Variants in CIITA observed in about 807,000 individuals in gnomAD.
CIITA encodes the protein class II major histocompatibility complex transactivator.
A neutral mutation model predicts 115.1 loss-of-function variants in CIITA; 72 were observed. The observed-to-expected ratio is 0.63, with a 90% CI of 0.52 to 0.76. The LOEUF is 0.76. Among genes scored for constraint, CIITA ranks in the 30% least tolerant of loss-of-function variants. The probability of loss-of-function intolerance (pLI) is 0.00; values close to 1 mark genes in which losing one functional copy is unlikely to be tolerated. For synonymous variants in CIITA, 763 were observed against 635.6 expected (o/e 1.20, Z -3.02); for missense variants, 1,617 against 1,463.8 (o/e 1.10, Z -1.71).
intron 1 of CIITA, among the ~76,000 whole-genome samples, chr16:10,886,089 C>G (rs999719552): frequency 1.2e-4 from 17 of 137,392 alleles, no homozygotes; most frequent in African/African-American, 3.9e-4. Flanking sequence ...GAGTCTCACT[C>G]TGTCACCCAG....
chr16:10,906,502 C>T lies in CIITA; in HGVS notation c.1010C>T (p.Pro337Leu), dbSNP rs147670132. 1.9e-4 allele frequency: 314 copies of T among 1,611,630 alleles called. No homozygotes were observed. The highest frequency in any genetic ancestry group is 2.6e-4 in the Non-Finnish European group (304 of 1,179,880). Residue 337 changes from proline (P) to leucine (L), a missense_variant, in exon 11 of 20, where the codon CCG (proline) becomes CTG (leucine). By Grantham distance (98) the Pro-to-Leu change is moderately conservative. Transcript: ENST00000324288. ...VSNKLPKWPE[P>L]VEQFYRSLQD... ...GACACGCCCCTGGCCTTTGCAGAGC[C>T]GGTGGAGCAGTTCTACCGCTCACTG...
At position 10,878,154 on chromosome 16, in the gene CIITA, T is replaced by G. The variant is rs142118678; in HGVS notation, c.52+772T>G. 1.1e-3 allele frequency among the ~76,000 whole-genome samples: 168 copies of G among 152,330 alleles called. 1 individual carries two copies. Among genetic ancestry groups the G allele is most frequent in the East Asian group, 5.8e-4 (3 of 5,182 alleles). ...TGAGCTCATAGGAGCTCAATTTTAT[T>G]GGCATTGCTGTTGTTGGATGGTTAA... On this transcript the variant is annotated intron_variant, in intron 1 of 19. Coordinates refer to ENST00000324288, the MANE Select transcript of CIITA (RefSeq NM_000246.4).
At chr16:10,875,431 C>T (rs2035763757), upstream of CIITA, among the ~76,000 whole-genome samples, 1 of 152,136 alleles carries the variant, frequency 6.6e-6, no homozygotes, top group South Asian at 2.1e-4. Context: ...GGGCATCATC[C>T]TCATTTCACA....
intron 1 of CIITA, 144 bp from the exon 2 acceptor site, chr16:10,895,138 C>A: frequency 1.1e-6 from 1 of 892,494 alleles, no homozygotes; most frequent in Non-Finnish European, 1.8e-6. Flanking sequence ...CTCCACCACG[C>A]TGAGCATATA....
chr16:10,909,815 C>T (rs946402325), intron 12 of CIITA, among the ~76,000 whole-genome samples: 7 of 152,164 alleles, frequency 4.6e-5, no homozygotes, highest in African/African-American at 1.7e-4. Context: ...CTTACTGTAG[C>T]TTCGGAACTC....
In CIITA at chr16:10,929,659, G is replaced by T; in HGVS notation, c.*5804G>T. ...CAATCCACCAGGCTCGGGAGGCTTG[G>T]GGTGGGGCAGGGAAGTCTTCCTCCA... On this transcript the variant is annotated 3_prime_UTR_variant, in exon 20 of 20. Coordinates refer to ENST00000324288, the MANE Select transcript of CIITA (RefSeq NM_000246.4). The surrounding 1 kb of genome is among the most constrained non-coding windows in gnomAD (Gnocchi z 4.3). 1 of 705,244 alleles carries T rather than the reference G, an allele frequency of 1.4e-6. No homozygotes were observed. The highest frequency in any genetic ancestry group is 6.4e-5 in the South Asian group (1 of 15,710). 43.7% of individuals were successfully genotyped at this position (705,244 alleles called of 1,614,324 possible).
intron 3 of CIITA, among the ~76,000 whole-genome samples, chr16:10,897,787 G>A (rs978510953): frequency 6.0e-5 from 9 of 148,900 alleles, no homozygotes; most frequent in Admixed American, 6.6e-5. Flanking sequence ...CACAACCACC[G>A]TTATCATTAT....
chr16:10,881,279 C>G (rs1274975589), intron 1 of CIITA, among the ~76,000 whole-genome samples: 1 of 150,560 alleles, frequency 6.6e-6, no homozygotes, highest in African/African-American at 2.5e-5. Flanking sequence ...GCCTGGGCAA[C>G]AGAGCAAGAC....
At position 10,931,639 on chromosome 16, in the gene CIITA, T is replaced by C. The variant is rs2040799714; in HGVS notation, c.*7784T>C. 1 of 152,142 alleles carries C rather than the reference T, an allele frequency of 6.6e-6. No individual in the cohort carries two copies. Among genetic ancestry groups the C allele is most frequent in the Admixed American group, 6.5e-5 (1 of 15,284 alleles). The allele number at this position is 152,142 out of a possible 1,614,324, so 9.4% of individuals were successfully genotyped here. A position where few individuals can be genotyped will look rare whatever the true frequency, so the allele number is the denominator to read the frequency against. On this transcript the variant is annotated 3_prime_UTR_variant, in exon 20 of 20. Transcript: ENST00000324288. Reference sequence around the variant, plus strand: ...TGGGTGGATCAGTTGAGATCAGGAGTTTGAGACCAGCCTGGCCAACATGGC... The same window carrying C: ...TGGGTGGATCAGTTGAGATCAGGAGCTTGAGACCAGCCTGGCCAACATGGC...
At position 10,898,666 on chromosome 16, in the gene CIITA, G is replaced by A. The variant is rs925244781; in HGVS notation, c.296-4G>A. 6.2e-7 allele frequency: 1 copy of A among 1,608,314 alleles called. No individual in the cohort carries two copies. On this transcript the variant is annotated splice_polypyrimidine_tract_variant and splice_region_variant and intron_variant, in intron 3 of 19. Transcript: ENST00000324288. ...ATTGACTGCGCTTTTCCTTGTCTGG[G>A]CAGCGGAACTGGACCAGTATGTCTT...
Position 10,879,148 on chromosome 16 carries a change from G to C in CIITA, c.52+1766G>C, listed in dbSNP as rs543948423. 20 of 181,762 alleles carry C rather than the reference G, an allele frequency of 1.1e-4. No individual in the cohort carries two copies. The East Asian group carries it at 1.8e-3, about 16-fold the overall frequency. The allele number at this position is 181,762 out of a possible 1,614,324, so 11.3% of individuals were successfully genotyped here. A position where few individuals can be genotyped will look rare whatever the true frequency, so the allele number is the denominator to read the frequency against. ...GGTCACACAGCAAGTCTGGGAGGAT[G>C]GGGGGATGGAATATGCAAAATGTAG... On this transcript the variant is annotated intron_variant, in intron 1 of 19. Transcript: ENST00000324288. The surrounding 1 kb of genome is among the most constrained non-coding windows in gnomAD (Gnocchi z 4.3).
chr16:10,886,220 G>A (rs775379716), intron 1 of CIITA, among the ~76,000 whole-genome samples: 12 of 152,064 alleles, frequency 7.9e-5, no homozygotes, highest in Non-Finnish European at 1.6e-4. Context: ...TTACAGGTGC[G>A]AGTCACCACG....
At chr16:10,873,747 A>G (rs939933927), upstream of CIITA, among the ~76,000 whole-genome samples, 1 of 152,116 alleles carries the variant, frequency 6.6e-6, no homozygotes, top group African/African-American at 2.4e-5. Flanking sequence ...CAGCATGGCA[A>G]CCTTAATGAT....
At chr16:10,904,674 G>A in intron 9 of CIITA, 70 bp from the exon 10 acceptor site, 1 of 1,524,908 alleles carries the variant, frequency 6.6e-7, no homozygotes, top group South Asian at 1.1e-5. Flanking sequence ...AGGACTAAGT[G>A]GCCCAGAGGG....
Position 10,902,782 on chromosome 16 carries a change from C to G in CIITA, c.753C>G (p.Ser251=). The G allele has an allele frequency of 1.2e-6, 2 of 1,614,190 alleles. No homozygotes were observed. The highest frequency in any genetic ancestry group is 1.7e-6 in the Non-Finnish European group (2 of 1,180,036). ...TCTCTGAGGCTGGAACAGGGGTCTC[C>G]AGTATATTCATCTACCATGGTGAGT... ...WQISEAGTGV[S]SIFIYHGEVP... is the part of the protein sequence containing the mutation. The change falls in exon 8 of 20, where the codon TCC becomes TCG. Residue 251 remains serine, a synonymous_variant. Transcript: ENST00000324288.
At chr16:10,902,560 C>A (rs1244498453) in intron 7 of CIITA, 98 bp from the exon 8 acceptor site, 15 of 1,473,850 alleles carry the variant, frequency 1.0e-5, no homozygotes, top group Non-Finnish European at 1.4e-5. Context: ...GAAATTAGGG[C>A]CCTTTAGGGG....
At chr16:10,913,243 T>C (rs950577400) in intron 13 of CIITA, among the ~76,000 whole-genome samples, 3 of 151,578 alleles carry the variant, frequency 2.0e-5, no homozygotes, top group African/African-American at 4.8e-5. Flanking sequence ...CTTTTCTTTC[T>C]TTCCCTGTTT....
At chr16:10,887,858 A>G (rs576965522) in intron 1 of CIITA, among the ~76,000 whole-genome samples, 2 of 152,134 alleles carry the variant, frequency 1.3e-5, no homozygotes, top group Non-Finnish European at 2.9e-5. Flanking sequence ...GTAGCAAAAG[A>G]GCCTTCTTCT....
chr16:10,929,633 C>G lies in CIITA; in HGVS notation c.*5778C>G. The G allele has an allele frequency of 1.1e-6, 1 of 917,738 alleles. No individual in the cohort carries two copies. The highest frequency in any genetic ancestry group is 1.2e-4 in the East Asian group (1 of 8,492). The allele number at this position is 917,738 out of a possible 1,614,324, so 56.8% of individuals were successfully genotyped here. A position where few individuals can be genotyped will look rare whatever the true frequency, so the allele number is the denominator to read the frequency against. ...CCACCAGGTTGGCTGGGGACAGGGA[C>G]CAATCCACCAGGCTCGGGAGGCTTG... On this transcript the variant is annotated 3_prime_UTR_variant, in exon 20 of 20. Transcript: ENST00000324288. This position sits in a 1 kb window ranked among gnomAD's most constrained non-coding sequence, Gnocchi z 4.3.
Sources: allele counts gnomAD v4.1 joint callset (sites outside exome capture counted in the v4.1 genomes callset), GRCh38; gene constraint gnomAD v4.1.1; non-coding constraint Gnocchi (gnomAD v3.1); transcripts MANE v1.5; gene names NCBI Gene and HGNC (gene_info 2026-07-23, HGNC 2026-07-21).